Variants in NRXN1 observed in about 807,000 individuals in gnomAD.
The protein encoded by NRXN1 is neurexin-1.
In NRXN1, 39 loss-of-function variants were observed where a neutral mutation model predicts 150.9. The ratio of observed to expected loss-of-function variants is 0.26; its 90% CI spans 0.20 to 0.34. The LOEUF (loss-of-function observed/expected upper bound fraction) is 0.34, where lower values mean the gene tolerates loss of function less well. Ranked by LOEUF, NRXN1 falls within the 10% of genes least tolerant of loss-of-function variation. The pLI, the probability that NRXN1 is intolerant of heterozygous loss-of-function variation, is 1.00. For synonymous variants in NRXN1, 924 were observed against 757.0 expected, an observed-to-expected ratio of 1.22 and a Z score of -3.62; for missense variants, 1,815 against 1,949.9, an observed-to-expected ratio of 0.93 and a Z score of 1.30.
intron 8 of NRXN1, among the ~76,000 whole-genome samples, chr2:50,595,255 C>T (rs1424803027): frequency 6.6e-6 from 1 of 151,948 alleles, no homozygotes; most frequent in Non-Finnish European, 1.5e-5. Context: ...TGACAGAAAA[C>T]ATATTCTGGG....
intron 12 of NRXN1, among the ~76,000 whole-genome samples, chr2:50,517,116 G>A (rs955571087): frequency 6.6e-6 from 1 of 152,030 alleles, no homozygotes; most frequent in Non-Finnish European, 1.5e-5. Context: ...TATCTCATAA[G>A]CTAATACTAG....
chr2:50,984,749 G>A lies in NRXN1; in HGVS notation c.772+42753C>T, dbSNP rs183830006. Among the ~76,000 whole-genome samples the A allele has an allele frequency of 1.3e-3, 205 of 152,184 alleles. 1 individual carries two copies. Among genetic ancestry groups the A allele is most frequent in the African/African-American group, 4.8e-3 (200 of 41,550 alleles). On this transcript the variant is annotated intron_variant, in intron 2 of 22. Transcript: ENST00000401669. Reference sequence around the variant, plus strand: ...AGTTGTGCCCTTTTTTAGCCAAAATGTAGTTATGAAGAAAGAGGCTTCTTT... The same window carrying A: ...AGTTGTGCCCTTTTTTAGCCAAAATATAGTTATGAAGAAAGAGGCTTCTTT...
chr2:50,327,174 G>A (rs2076440498), intron 17 of NRXN1, among the ~76,000 whole-genome samples: 1 of 152,040 alleles, frequency 6.6e-6, no homozygotes, highest in African/African-American at 2.4e-5. Flanking sequence ...TAATCAAATC[G>A]TGGTATATGC....
At chr2:50,556,454 C>T (rs1003942393) in intron 8 of NRXN1, among the ~76,000 whole-genome samples, 39 of 151,284 alleles carry the variant, frequency 2.6e-4, no homozygotes, top group African/African-American at 9.2e-4. Flanking sequence ...GATATTTGTG[C>T]ACACTCATTT....
chr2:50,619,142 C>T (rs573362271), intron 8 of NRXN1: 2 of 152,212 alleles, frequency 1.3e-5, no homozygotes, highest in African/African-American at 4.8e-5. Context: ...AAACCAAGTA[C>T]ATCACTGCTT....
At chr2:50,447,317 T>C (rs369263001) in intron 17 of NRXN1, among the ~76,000 whole-genome samples, 3 of 150,974 alleles carry the variant, frequency 2.0e-5, no homozygotes, top group East Asian at 3.9e-4. Context: ...GTACTATTAA[T>C]AAAAATACAT....
intron 21 of NRXN1, among the ~76,000 whole-genome samples, chr2:49,945,524 C>T (rs1672737511): frequency 6.6e-6 from 1 of 151,948 alleles, no homozygotes; most frequent in South Asian, 2.1e-4. Context: ...TCTCCTAATG[C>T]TATACCTCCC....
At chr2:50,159,405 T>C (rs12475100) in intron 18 of NRXN1, among the ~76,000 whole-genome samples, 29,373 of 152,094 alleles carry the variant, frequency 0.19, 3,290 homozygotes, top group East Asian at 0.41. Context: ...GTTCTATCAT[T>C]GGAAGAACTG....
chr2:50,726,243 T>C (rs1697350345), intron 5 of NRXN1, among the ~76,000 whole-genome samples: 1 of 152,226 alleles, frequency 6.6e-6, no homozygotes, highest in African/African-American at 2.4e-5. Context: ...GTTTTCAAAG[T>C]GCTTTGATTT....
At chr2:50,045,787 T>C (rs901121855) in intron 21 of NRXN1, among the ~76,000 whole-genome samples, 1 of 152,106 alleles carries the variant, frequency 6.6e-6, no homozygotes, top group Admixed American at 6.6e-5. Flanking sequence ...ACTTCACCAG[T>C]CCTGAGAAAA....
intron 5 of NRXN1, among the ~76,000 whole-genome samples, chr2:50,776,037 G>C (rs553669130): frequency 9.2e-5 from 14 of 152,160 alleles, no homozygotes; most frequent in Admixed American, 6.5e-5. Context: ...TGGACCCAAA[G>C]CATAATGGGC....
intron 21 of NRXN1, among the ~76,000 whole-genome samples, chr2:50,047,852 G>C (rs930205024): frequency 1.2e-4 from 18 of 152,020 alleles, no homozygotes; most frequent in Admixed American, 3.3e-4. Flanking sequence ...AGACTAGAAA[G>C]GTAGTAGAAA....
intron 18 of NRXN1, among the ~76,000 whole-genome samples, chr2:50,097,551 A>G (rs1230067421): frequency 3.3e-5 from 5 of 152,138 alleles, no homozygotes; most frequent in African/African-American, 1.2e-4. Flanking sequence ...CAGTTGTTGG[A>G]CTATGCAACA....
At chr2:50,552,473 C>T in intron 9 of NRXN1, 114 bp downstream of exon 9, 1 of 765,836 alleles carries the variant, frequency 1.3e-6, no homozygotes, top group Non-Finnish European at 2.2e-6. Flanking sequence ...TTCTTTTAGG[C>T]TAAAGAAACA....
chr2:50,369,862 G>T (rs1388383812), intron 17 of NRXN1, among the ~76,000 whole-genome samples: 1 of 151,978 alleles, frequency 6.6e-6, no homozygotes, highest in African/African-American at 2.4e-5. Context: ...GAGGACAGTG[G>T]TAGAGAACCA....
rs924296640 is a variant in NRXN1 at position 50,471,512 on chromosome 2, G to A, written c.3244+786C>T. The stretch of plus-strand genomic sequence containing the variant: ...TCTTTATCCACTCATTGGCTTTTGG[G>A]CACTTAGGTAGATTCCATATATCTG... On this transcript the variant is annotated intron_variant, in intron 16 of 22. Coordinates refer to ENST00000401669, the MANE Select transcript of NRXN1 (RefSeq NM_001330078.2). Among the ~76,000 whole-genome samples, 45 of 151,774 alleles carry A rather than the reference G, an allele frequency of 3.0e-4. 1 individual carries two copies. Among genetic ancestry groups the A allele is most frequent in the Non-Finnish European group, 5.7e-4 (39 of 67,832 alleles).
intron 19 of NRXN1, among the ~76,000 whole-genome samples, chr2:50,070,841 C>G (rs1211784724): frequency 1.3e-5 from 2 of 149,264 alleles, no homozygotes; most frequent in Non-Finnish European, 3.0e-5. Context: ...CCAATTAAAA[C>G]CCAGGCATCC....
chr2:50,805,154 C>A (rs1667346690), intron 5 of NRXN1, among the ~76,000 whole-genome samples: 1 of 151,894 alleles, frequency 6.6e-6, no homozygotes, highest in Non-Finnish European at 1.5e-5. Context: ...ATGTATCTTT[C>A]ATTGAATTAA....
At chr2:50,290,315 A>G (rs2072754041) in intron 17 of NRXN1, among the ~76,000 whole-genome samples, 1 of 152,198 alleles carries the variant, frequency 6.6e-6, no homozygotes, top group Non-Finnish European at 1.5e-5. Flanking sequence ...CAGCTGCTAA[A>G]CAAAAGCAAT....
Sources: gnomAD v4.1 joint callset for allele counts (sites outside exome capture counted in the v4.1 genomes callset) on GRCh38, gnomAD v4.1.1 for gene constraint, MANE v1.5 for transcripts, NCBI Gene and HGNC (gene_info 2026-07-23, HGNC 2026-07-21) for gene names.